ANKRD1: variants seen among roughly 807,000 people sequenced by gnomAD.
The protein encoded by ANKRD1 is ankyrin repeat domain 1, also known as ankyrin repeat domain-containing protein 1.
A neutral mutation model predicts 40.1 loss-of-function variants in ANKRD1; 32 were observed. The observed-to-expected ratio is 0.80, with a 90% confidence interval of 0.60 to 1.07. The LOEUF (loss-of-function observed/expected upper bound fraction) is 1.07, where lower values mean the gene tolerates loss of function less well. Ranked by LOEUF, ANKRD1 falls within the 50% of genes least tolerant of loss-of-function variation. ANKRD1 has a pLI of 0.00. For synonymous variants in ANKRD1, 149 were observed against 141.2 expected, an observed-to-expected ratio of 1.06 and a Z score of -0.39; for missense variants, 359 against 386.0, an observed-to-expected ratio of 0.93 and a Z score of 0.59.
At chr10:90,918,832 G>A in intron 4 of ANKRD1, 33 bp downstream of exon 4, 1 of 1,489,056 alleles carries the variant, frequency 6.7e-7, no homozygotes, top group Admixed American at 1.7e-5. Flanking sequence ...AAATTAATGA[G>A]CTGGATTTTG....
rs10509614 is a variant in ANKRD1, at chr10:90,919,930, C to A, written c.207+239G>T. Reference sequence around the variant, plus strand: ...TCAGGAATTCACTGGACATGTGTATCTTTCAATCAAAACATGGTCACAGCA... The same window carrying A: ...TCAGGAATTCACTGGACATGTGTATATTTCAATCAAAACATGGTCACAGCA... On this transcript the variant is annotated intron_variant, in intron 2 of 8. Transcript: ENST00000371697. Among the ~76,000 whole-genome samples, 4,527 of 152,324 alleles carry A rather than the reference C, an allele frequency of 0.03. 88 individuals are homozygous for A. Among genetic ancestry groups the A allele is most frequent in the Middle Eastern group, 0.099 (29 of 294 alleles).
intron 8 of ANKRD1, among the ~76,000 whole-genome samples, chr10:90,914,487 C>T (rs2120262643): frequency 6.6e-6 from 1 of 152,064 alleles, no homozygotes; most frequent in Middle Eastern, 3.4e-3. Flanking sequence ...TTTCATTTAA[C>T]CTGCTCTTTT....
intron 8 of ANKRD1, among the ~76,000 whole-genome samples, chr10:90,915,056 T>C (rs1002093967): frequency 6.6e-6 from 1 of 152,186 alleles, no homozygotes; most frequent in African/African-American, 2.4e-5. Context: ...ATGGTGACAT[T>C]TCACATTGCT....
intron 8 of ANKRD1, among the ~76,000 whole-genome samples, chr10:90,915,269 A>G (rs1554827555): frequency 6.6e-6 from 1 of 152,164 alleles, no homozygotes; most frequent in South Asian, 2.1e-4. Flanking sequence ...GCAAATTTTG[A>G]CTATCTTTCA....
At chr10:90,918,395 C>T (rs952081007) in intron 4 of ANKRD1, among the ~76,000 whole-genome samples, 4 of 152,012 alleles carry the variant, frequency 2.6e-5, no homozygotes. Context: ...CTCCAATGCC[C>T]CATGTTTACA....
rs1847407241 is a variant in ANKRD1, at chr10:90,919,246, T to C, written c.230A>G (p.Gln77Arg). 1 of 1,607,358 alleles carries C rather than the reference T, an allele frequency of 6.2e-7. No individual in the cohort carries two copies. The highest frequency in any genetic ancestry group is 1.1e-5 in the South Asian group (1 of 90,268). Residue 77 changes from glutamine to arginine, a missense_variant, in exon 3 of 9, where the codon CAA (glutamine) becomes CGA (arginine). Gln to Arg is a conservative substitution (Grantham distance 43). Coordinates refer to ENST00000371697, the MANE Select transcript of ANKRD1 (RefSeq NM_014391.3). ...EAELKKKKLEQRSKLENLEDL... is the reference protein window; with the variant it reads ...EAELKKKKLERRSKLENLEDL... The stretch of plus-strand genomic sequence containing the variant: ...TTCTAAATTTTCAAGCTTTGATCTT[T>C]GTTCTAGTTTTTTCTTTTTGAGCTA...
Position 90,915,762 on chromosome 10 carries a change from G to A in ANKRD1, c.750+20C>T, listed in dbSNP as rs774860989. 6.2e-7 allele frequency: 1 copy of A among 1,613,488 alleles called. No individual in the cohort carries two copies. The highest frequency in any genetic ancestry group is 8.5e-7 in the Non-Finnish European group (1 of 1,179,710). The stretch of plus-strand genomic sequence containing the variant: ...AAAGCAATGAAGCTTTGGGAAACCC[G>A]AGCGTGTCCAGCTACTCACTCTGTC... On this transcript the variant is annotated intron_variant, in intron 7 of 8. Transcript: ENST00000371697.
At chr10:90,920,924 C>A in intron 1 of ANKRD1, 77 bp downstream of exon 1, 1 of 1,407,472 alleles carries the variant, frequency 7.1e-7, no homozygotes, top group Non-Finnish European at 1.0e-6. Context: ...CACCTGAAAG[C>A]AAAGGGCATT....
At chr10:90,915,979 G>T in intron 6 of ANKRD1, 99 bp from the exon 7 acceptor site, 6 of 1,212,360 alleles carry the variant, frequency 4.9e-6, no homozygotes, top group South Asian at 1.3e-5. Flanking sequence ...TCACTAGGGT[G>T]CCTGCACACA....
In ANKRD1 at chr10:90,918,446, C is replaced by T. The variant is rs117886942; in HGVS notation, c.453+419G>A. Among the ~76,000 whole-genome samples the T allele has an allele frequency of 5.4e-4, 82 of 152,024 alleles. No homozygotes were observed. In the East Asian group the frequency reaches 0.014, roughly 27 times the overall value. On this transcript the variant is annotated intron_variant, in intron 4 of 8. Transcript: ENST00000371697. ...GCCCAGAGGATGCAAATTAGCTGCTCAAAACCAAATAGCCAAGTAGTGGTA... is the reference window on the plus strand; with the variant it reads ...GCCCAGAGGATGCAAATTAGCTGCTTAAAACCAAATAGCCAAGTAGTGGTA...
At chr10:90,914,201 T>C (rs1248818826) in intron 8 of ANKRD1, among the ~76,000 whole-genome samples, 1 of 152,240 alleles carries the variant, frequency 6.6e-6, no homozygotes, top group African/African-American at 2.4e-5. Context: ...CAATAGGTTA[T>C]TGATCTTTGG....
At position 90,919,115 on chromosome 10, in the gene ANKRD1, A is replaced by G. The variant is rs1316636512; in HGVS notation, c.345+16T>C. On this transcript the variant is annotated intron_variant, in intron 3 of 8. Coordinates refer to ENST00000371697, the MANE Select transcript of ANKRD1 (RefSeq NM_014391.3). ...ACTGGACATGTATTACTGGAAACCA[A>G]AAAAAAAGCCCTTACAATGATTTCA... is the stretch of plus-strand genomic sequence containing the variant. 3.1e-6 allele frequency: 5 copies of G among 1,611,404 alleles called. No homozygotes were observed. The highest frequency in any genetic ancestry group is 2.2e-5 in the East Asian group (1 of 44,730).
intron 7 of ANKRD1, 64 bp downstream of exon 7, chr10:90,915,718 G>C: frequency 6.2e-7 from 1 of 1,610,794 alleles, no homozygotes; most frequent in South Asian, 1.1e-5. Flanking sequence ...CCAGGCTTGG[G>C]GGAGTGATTC....
At chr10:90,920,835 A>AT (rs144975490) in intron 1 of ANKRD1, among the ~76,000 whole-genome samples, 166 bp downstream of exon 1, 132 of 149,960 alleles carry the variant, frequency 8.8e-4, no homozygotes, top group South Asian at 1.1e-3. Flanking sequence ...TGGTAGCTCC[A>AT]TTTTTTTTTT....
At chr10:90,915,464 G>A (rs878906921) in intron 8 of ANKRD1, 79 bp downstream of exon 8, 4 of 1,238,254 alleles carry the variant, frequency 3.2e-6, no homozygotes, top group Non-Finnish European at 4.7e-6. Flanking sequence ...TGCCATTGTG[G>A]GAGTCGTTTC....
rs60700562 is a variant in ANKRD1, at chr10:90,918,986, A to AT, written c.346-15_346-14insA. Reference sequence around the variant, plus strand: ...CACAGGTTCCGTCTAAAGCCAAAATAAATAAATATATATATATATATATAT... The same window carrying AT: ...CACAGGTTCCGTCTAAAGCCAAAATATAATAAATATATATATATATATATAT... On this transcript the variant is annotated splice_polypyrimidine_tract_variant and intron_variant, in intron 3 of 8. Transcript: ENST00000371697. The AT allele has an allele frequency of 0.017, 3,301 of 195,090 alleles. 133 individuals carry two copies. Among genetic ancestry groups the AT allele is most frequent in the African/African-American group, 0.056 (1,452 of 26,020 alleles). 12.1% of individuals were successfully genotyped at this position (195,090 alleles called of 1,614,324 possible). A position where few individuals can be genotyped will look rare whatever the true frequency, so the allele number is the denominator to read the frequency against.
rs71025330 is a variant in ANKRD1, at chr10:90,912,291, T to TAAAAAAAAAAAAAAAAAAAAAAAAA, written c.*550_*574dup. 2.4e-4 allele frequency: 17 copies of TAAAAAAAAAAAAAAAAAAAAAAAAA among 70,630 alleles called. 2 individuals are homozygous for TAAAAAAAAAAAAAAAAAAAAAAAAA. Among genetic ancestry groups the TAAAAAAAAAAAAAAAAAAAAAAAAA allele is most frequent in the Non-Finnish European group, 4.0e-4 (14 of 35,238 alleles). The allele number at this position is 70,630 out of a possible 1,614,324, so 4.4% of individuals were successfully genotyped here. A position where few individuals can be genotyped will look rare whatever the true frequency, so the allele number is the denominator to read the frequency against. On this transcript the variant is annotated 3_prime_UTR_variant, in exon 9 of 9. Coordinates refer to ENST00000371697, the MANE Select transcript of ANKRD1 (RefSeq NM_014391.3). Reference sequence around the variant, plus strand: ...TCACTTGGGTACTCTGTGTACTCGGTAAAAAAAAAAAAAAAAAAAAAAAAA... The same window carrying TAAAAAAAAAAAAAAAAAAAAAAAAA: ...TCACTTGGGTACTCTGTGTACTCGGTAAAAAAAAAAAAAAAAAAAAAAAAAAAAAAAAAAAAAAAAAAAAAAAAAA...
At position 90,912,160 on chromosome 10, in the gene ANKRD1, AT is replaced by A; in HGVS notation, c.*705del. The A allele has an allele frequency of 6.6e-6, 1 of 152,308 alleles. No homozygotes were observed. Among genetic ancestry groups the A allele is most frequent in the Middle Eastern group, 3.4e-3 (1 of 294 alleles). 9.4% of individuals were successfully genotyped at this position (152,308 alleles called of 1,614,324 possible). On this transcript the variant is annotated 3_prime_UTR_variant, in exon 9 of 9. Transcript: ENST00000371697. ...CATACAATACAATATACATTTATAC[AT>A]TTACAGTTTGCATTTCCTTTCATCT...
In ANKRD1 at chr10:90,919,203, AATG is replaced by A. The variant is rs1241348822; in HGVS notation, c.270_272del (p.Ile91del). The A allele has an allele frequency of 6.2e-7, 1 of 1,611,300 alleles. No individual in the cohort carries two copies. The highest frequency in any genetic ancestry group is 1.7e-5 in the Admixed American group (1 of 59,856). On this transcript the variant is annotated inframe_deletion, in exon 3 of 9. Transcript: ENST00000371697. The stretch of plus-strand genomic sequence containing the variant: ...TGTATTTTTTCCTTTTCTTCAGTTG[AATG>A]ATTATTTCAAGGTCTTCTAAATTTT...
Sources: allele counts gnomAD v4.1 joint callset (sites outside exome capture counted in the v4.1 genomes callset), GRCh38; gene constraint gnomAD v4.1.1; transcripts MANE v1.5; gene names NCBI Gene and HGNC (gene_info 2026-07-23, HGNC 2026-07-21).